SLC25A37: variants seen among roughly 807,000 people sequenced by gnomAD.
SLC25A37 encodes mitoferrin-1.
A neutral mutation model predicts 31.0 loss-of-function variants in SLC25A37; 17 were observed. The observed-to-expected ratio is 0.55, with a 90% CI of 0.38 to 0.82. The LOEUF (loss-of-function observed/expected upper bound fraction) is 0.82, where lower values mean the gene tolerates loss of function less well. Ranked by LOEUF, SLC25A37 falls within the 40% of genes least tolerant of loss-of-function variation. The pLI is 0.00. For synonymous variants in SLC25A37, 222 were observed against 193.0 expected, an observed-to-expected ratio of 1.15 and a Z score of -1.24; for missense variants, 404 against 465.8, an observed-to-expected ratio of 0.87 and a Z score of 1.22.
chr8:23,533,108 A>C (rs187086588), intron 1 of SLC25A37, among the ~76,000 whole-genome samples: 33 of 152,282 alleles, frequency 2.2e-4, no homozygotes, highest in African/African-American at 7.7e-4. Flanking sequence ...GGAACGAGGA[A>C]TCAAAAAAGG....
rs577882944 is a variant in SLC25A37 at position 23,531,354 on chromosome 8, G to A, written c.210+2142G>A. Reference sequence around the variant, plus strand: ...CGGGAGTAACTGAGTCAAGAAACCCGGGTTGGGCTTCAAGCCCTGCTCTCA... The same window carrying A: ...CGGGAGTAACTGAGTCAAGAAACCCAGGTTGGGCTTCAAGCCCTGCTCTCA... On this transcript the variant is annotated intron_variant, in intron 1 of 3. Transcript: ENST00000519973. Among the ~76,000 whole-genome samples the A allele has an allele frequency of 2.0e-5, 3 of 152,324 alleles. No individual in the cohort carries two copies. In the South Asian group the frequency reaches 6.2e-4, roughly 32 times the overall value.
intron 1 of SLC25A37, among the ~76,000 whole-genome samples, chr8:23,564,146 G>A (rs1563265033): frequency 6.6e-6 from 1 of 151,924 alleles, no homozygotes; most frequent in Non-Finnish European, 1.5e-5. Context: ...TATTGTTTTT[G>A]CGTCCTTTCT....
Position 23,560,448 on chromosome 8 carries a change from G to A in SLC25A37, c.211-5660G>A, listed in dbSNP as rs551858640. 2.2e-4 allele frequency among the ~76,000 whole-genome samples: 33 copies of A among 152,196 alleles called. 1 individual carries two copies. The South Asian group carries it at 5.8e-3, about 27-fold the overall frequency. On this transcript the variant is annotated intron_variant, in intron 1 of 3. Transcript: ENST00000519973. The stretch of plus-strand genomic sequence containing the variant: ...CTCCTTCGAGGCACCCTGGTGGTTC[G>A]TTTCCTCCTCCTGTTATCATACACT...
At chr8:23,549,582 G>A (rs770418976) in intron 1 of SLC25A37, among the ~76,000 whole-genome samples, 13 of 152,210 alleles carry the variant, frequency 8.5e-5, no homozygotes, top group Non-Finnish European at 1.3e-4. Flanking sequence ...CGGCAAGCCT[G>A]GTGCATCTGG....
intron 1 of SLC25A37, among the ~76,000 whole-genome samples, chr8:23,561,430 G>A (rs965544178): frequency 1.3e-5 from 2 of 152,204 alleles, no homozygotes; most frequent in Non-Finnish European, 1.5e-5. Flanking sequence ...ATGGCTTCAC[G>A]TATATCATGG....
intron 1 of SLC25A37, among the ~76,000 whole-genome samples, chr8:23,533,507 GTT>G (rs1434013210): frequency 1.3e-5 from 2 of 152,224 alleles, no homozygotes; most frequent in Non-Finnish European, 2.9e-5. Context: ...TTAGAGATGA[GTT>G]TTGTCCTGTC....
At chr8:23,542,395 T>TTTTTTTTTA (rs1801918128) in intron 1 of SLC25A37, among the ~76,000 whole-genome samples, 1 of 150,342 alleles carries the variant, frequency 6.7e-6, no homozygotes, top group African/African-American at 2.5e-5. Flanking sequence ...TTTTTTTTTT[T>TTTTTTTTTA]GAGATGGAGT....
At chr8:23,532,189 T>C (rs1334335610) in intron 1 of SLC25A37, among the ~76,000 whole-genome samples, 1 of 152,254 alleles carries the variant, frequency 6.6e-6, no homozygotes, top group Non-Finnish European at 1.5e-5. Context: ...CTGTGTCTTC[T>C]TCTTTCCCTT....
intron 1 of SLC25A37, among the ~76,000 whole-genome samples, chr8:23,556,076 T>C (rs1224610026): frequency 1.6e-5 from 2 of 123,396 alleles, no homozygotes; most frequent in Non-Finnish European, 3.6e-5. Flanking sequence ...TTTTTCAGAA[T>C]GTATGTTCTT....
At chr8:23,541,481 G>C (rs1238575208) in intron 1 of SLC25A37, 1 of 152,312 alleles carries the variant, frequency 6.6e-6, no homozygotes, top group East Asian at 1.9e-4. Context: ...TTGCTTAAGA[G>C]GAGAAGGAGG....
At chr8:23,551,627 A>G (rs1802228443) in intron 1 of SLC25A37, among the ~76,000 whole-genome samples, 1 of 151,936 alleles carries the variant, frequency 6.6e-6, no homozygotes, top group Non-Finnish European at 1.5e-5. Context: ...GCTGTCCACC[A>G]GACCCCATGC....
chr8:23,558,400 T>G (rs1323567229), intron 1 of SLC25A37, among the ~76,000 whole-genome samples: 1 of 152,180 alleles, frequency 6.6e-6, no homozygotes, highest in Admixed American at 6.5e-5. Flanking sequence ...ATTTTCCTTC[T>G]TGGGCCTCAG....
At chr8:23,549,630 A>G (rs1802169393) in intron 1 of SLC25A37, among the ~76,000 whole-genome samples, 1 of 152,136 alleles carries the variant, frequency 6.6e-6, no homozygotes, top group South Asian at 2.1e-4. Flanking sequence ...CATCAGTGTG[A>G]AAGGTGAAAG....
intron 1 of SLC25A37, among the ~76,000 whole-genome samples, chr8:23,551,680 G>C (rs1330769945): frequency 2.0e-5 from 3 of 152,110 alleles, no homozygotes; most frequent in African/African-American, 7.2e-5. Context: ...TTAGGCAGTA[G>C]GTGCCATTAG....
At chr8:23,556,882 G>A (rs930734374) in intron 1 of SLC25A37, among the ~76,000 whole-genome samples, 3 of 151,830 alleles carry the variant, frequency 2.0e-5, no homozygotes, top group East Asian at 3.9e-4. Flanking sequence ...ACAGATTCTC[G>A]CTCTGTCACC....
intron 1 of SLC25A37, chr8:23,543,340 C>T (rs904423217): frequency 2.0e-5 from 3 of 152,206 alleles, no homozygotes; most frequent in African/African-American, 7.2e-5. Flanking sequence ...GCTAGGATTA[C>T]AGGTATGAGT....
intron 1 of SLC25A37, among the ~76,000 whole-genome samples, chr8:23,548,926 C>T (rs1267013899): frequency 6.6e-6 from 1 of 152,230 alleles, no homozygotes; most frequent in Non-Finnish European, 1.5e-5. Context: ...CTCGGAGCCT[C>T]TGTCCACATC....
intron 2 of SLC25A37, chr8:23,566,867 C>A: frequency 1.0e-6 from 1 of 973,816 alleles, no homozygotes; most frequent in Non-Finnish European, 1.2e-6. Context: ...AGGCCTTTCC[C>A]ACCTTAAGCT....
In SLC25A37 at chr8:23,529,275, A is replaced by G. The variant is rs1396926592; in HGVS notation, c.210+63A>G. ...AGAAGGAGCGCGCGCGCGCATTTGCATCCCGCGCGCCGGCAGCCTCGGGGC... is the reference window on the plus strand; with the variant it reads ...AGAAGGAGCGCGCGCGCGCATTTGCGTCCCGCGCGCCGGCAGCCTCGGGGC... On this transcript the variant is annotated intron_variant, in intron 1 of 3. Coordinates refer to ENST00000519973, the MANE Select transcript of SLC25A37 (RefSeq NM_016612.4). This position sits in a 1 kb window ranked among gnomAD's most constrained non-coding sequence, Gnocchi z 4.1. The G allele has an allele frequency of 4.0e-6, 6 of 1,483,926 alleles. No homozygotes were observed. The highest frequency in any genetic ancestry group is 5.4e-6 in the Non-Finnish European group (6 of 1,102,240). The allele number at this position is 1,483,926 out of a possible 1,614,324, so 91.9% of individuals were successfully genotyped here.
Sources: allele counts gnomAD v4.1 joint callset (sites outside exome capture counted in the v4.1 genomes callset), GRCh38; gene constraint gnomAD v4.1.1; non-coding constraint Gnocchi (gnomAD v3.1); transcripts MANE v1.5; gene names NCBI Gene and HGNC (gene_info 2026-07-23, HGNC 2026-07-21).